TYW1B: variants seen among roughly 807,000 people sequenced by gnomAD.
TYW1B encodes the protein tRNA-yW synthesizing protein 1 homolog B.
In TYW1B, 73 loss-of-function variants were observed where a neutral mutation model predicts 86.9. That is an observed-to-expected ratio of 0.84 (90% CI 0.70 to 1.02). The LOEUF is 1.02. Ranked by LOEUF, TYW1B falls within the 50% of genes least tolerant of loss-of-function variation. The pLI, the probability that TYW1B is intolerant of heterozygous loss-of-function variation, is 0.00. For synonymous variants in TYW1B, 248 were observed against 292.8 expected (o/e 0.85, Z 1.56); for missense variants, 637 against 827.4 (o/e 0.77, Z 2.82).
intron 11 of TYW1B, among the ~76,000 whole-genome samples, chr7:72,671,407 T>C (rs1554446330): frequency 6.6e-6 from 1 of 152,204 alleles, no homozygotes; most frequent in Non-Finnish European, 1.5e-5. Flanking sequence ...GCTTCTAATC[T>C]TCTGCTATTA....
chr7:72,574,951 T>C lies in TYW1B; in HGVS notation c.*547A>G, dbSNP rs1353489459. On this transcript the variant is annotated 3_prime_UTR_variant, in exon 14 of 14. Transcript: ENST00000620995. The stretch of plus-strand genomic sequence containing the variant: ...TAGTAATAAACCAAAACTCAATCTA[T>C]GCAGTATTTAAAAAATAATTGAGAG... 7.1e-6 allele frequency: 7 copies of C among 988,116 alleles called. No homozygotes were observed. The East Asian group carries it at 5.6e-4, about 79-fold the overall frequency. 61.2% of individuals were successfully genotyped at this position (988,116 alleles called of 1,614,324 possible). A position where few individuals can be genotyped will look rare whatever the true frequency, so the allele number is the denominator to read the frequency against.
At chr7:72,756,677 A>G (rs1258047790) in intron 7 of TYW1B, among the ~76,000 whole-genome samples, 1 of 152,166 alleles carries the variant, frequency 6.6e-6, no homozygotes, top group African/African-American at 2.4e-5. Flanking sequence ...AGTTACTGGT[A>G]GCCTGCGGTC....
intron 11 of TYW1B, among the ~76,000 whole-genome samples, chr7:72,687,603 T>C (rs1439676989): frequency 6.6e-6 from 1 of 152,176 alleles, no homozygotes; most frequent in Non-Finnish European, 1.5e-5. Context: ...TATATTATAA[T>C]GTTGAGAAAT....
intron 11 of TYW1B, among the ~76,000 whole-genome samples, chr7:72,673,646 T>A (rs556597612): frequency 6.6e-6 from 1 of 152,114 alleles, no homozygotes; most frequent in South Asian, 2.1e-4. Flanking sequence ...GGTTAATGGG[T>A]ACAAAAAATA....
chr7:72,665,456 T>G (rs1554445101), intron 11 of TYW1B, among the ~76,000 whole-genome samples: 1 of 152,214 alleles, frequency 6.6e-6, no homozygotes, highest in African/African-American at 2.4e-5. Flanking sequence ...CTAATTTGAT[T>G]AACCCACCAT....
chr7:72,814,980 G>A (rs1463065209), intron 3 of TYW1B, among the ~76,000 whole-genome samples: 1 of 144,192 alleles, frequency 6.9e-6, no homozygotes, highest in Non-Finnish European at 1.5e-5. Context: ...TGAGGCAGGA[G>A]AATCACTTGA....
intron 11 of TYW1B, among the ~76,000 whole-genome samples, chr7:72,637,301 A>T (rs1812693553): frequency 6.6e-6 from 1 of 151,854 alleles, no homozygotes; most frequent in Admixed American, 6.6e-5. Flanking sequence ...TTTTAAATTT[A>T]AAAAAGCAAT....
At chr7:72,703,090 T>C (rs1814528504) in intron 10 of TYW1B, among the ~76,000 whole-genome samples, 2 of 147,726 alleles carry the variant, frequency 1.4e-5, no homozygotes, top group Non-Finnish European at 3.0e-5. Flanking sequence ...AGTGGCACTA[T>C]CTCGGCTCAC....
rs1810982049 is a variant in TYW1B at position 72,574,810 on chromosome 7, C to G, written c.*688G>C. ...ACTCCATGCCCTCACATGGCCACTC[C>G]TCTTACAGCAGACAGCTTCACTCCG... is the stretch of plus-strand genomic sequence containing the variant. On this transcript the variant is annotated 3_prime_UTR_variant, in exon 14 of 14. Transcript: ENST00000620995. The G allele has an allele frequency of 1.0e-6, 1 of 985,420 alleles. No individual in the cohort carries two copies. The highest frequency in any genetic ancestry group is 1.2e-6 in the Non-Finnish European group (1 of 829,978). 61.0% of individuals were successfully genotyped at this position (985,420 alleles called of 1,614,324 possible).
At chr7:72,660,953 A>G (rs1554444347) in intron 11 of TYW1B, among the ~76,000 whole-genome samples, 4 of 151,264 alleles carry the variant, frequency 2.6e-5, no homozygotes, top group South Asian at 2.1e-4. Flanking sequence ...CCTGGCCAAC[A>G]TGAAACCTCA....
intron 2 of TYW1B, among the ~76,000 whole-genome samples, chr7:72,818,883 G>A (rs1788776544): frequency 6.6e-6 from 1 of 152,142 alleles, no homozygotes; most frequent in Admixed American, 6.6e-5. Flanking sequence ...AACCACTCAT[G>A]CGAAATCTGC....
At chr7:72,583,981 G>C (rs1554430048) in intron 13 of TYW1B, among the ~76,000 whole-genome samples, 1 of 152,216 alleles carries the variant, frequency 6.6e-6, no homozygotes, top group Non-Finnish European at 1.5e-5. Flanking sequence ...TTTCAAACTG[G>C]AAAATGACAG....
At chr7:72,754,879 T>C (rs1453528982) in intron 7 of TYW1B, among the ~76,000 whole-genome samples, 3 of 152,236 alleles carry the variant, frequency 2.0e-5, no homozygotes, top group Admixed American at 6.5e-5. Flanking sequence ...CTTCCCTTTT[T>C]CTCTCATTAT....
At chr7:72,699,949 C>G (rs1814422260) in intron 10 of TYW1B, among the ~76,000 whole-genome samples, 1 of 151,970 alleles carries the variant, frequency 6.6e-6, no homozygotes. Context: ...TGTGCCTGGC[C>G]AAATTTTTCC....
intron 1 of TYW1B, among the ~76,000 whole-genome samples, chr7:72,827,618 A>AT (rs1259378291): frequency 1.3e-5 from 2 of 152,216 alleles, no homozygotes; most frequent in African/African-American, 4.8e-5. Flanking sequence ...TGCTTGCTCC[A>AT]TAAAAAAAGC....
At chr7:72,797,304 T>C (rs1788321370) in intron 6 of TYW1B, among the ~76,000 whole-genome samples, 1 of 152,162 alleles carries the variant, frequency 6.6e-6, no homozygotes, top group Non-Finnish European at 1.5e-5. Flanking sequence ...CCCAATGATT[T>C]AACCCAATAG....
intron 12 of TYW1B, among the ~76,000 whole-genome samples, chr7:72,625,333 G>C (rs1295589681): frequency 2.0e-5 from 3 of 152,030 alleles, no homozygotes; most frequent in African/African-American, 7.3e-5. Flanking sequence ...TAGCATCTTA[G>C]CTAGGCCAGG....
chr7:72,591,300 C>T (rs1454730526), intron 13 of TYW1B, among the ~76,000 whole-genome samples: 1 of 151,746 alleles, frequency 6.6e-6, no homozygotes, highest in Non-Finnish European at 1.5e-5. Flanking sequence ...CAAAATTTTC[C>T]CTAAATTTAA....
At position 72,802,313 on chromosome 7, in the gene TYW1B, G is replaced by A. The variant is rs192852025; in HGVS notation, c.846+87C>T. ...CTAGAGAAATGAAACTCCTCTGTGA[G>A]CTCAGATGGACTACACAGTAATAAA... On this transcript the variant is annotated intron_variant, in intron 6 of 13. Coordinates refer to ENST00000620995, the MANE Select transcript of TYW1B (RefSeq NM_001145440.3). 27 of 1,538,708 alleles carry A rather than the reference G, an allele frequency of 1.8e-5. No homozygotes were observed. In the Admixed American group the frequency reaches 2.5e-4, roughly 14 times the overall value.
Sources: gnomAD v4.1 joint callset for allele counts (sites outside exome capture counted in the v4.1 genomes callset) on GRCh38, gnomAD v4.1.1 for gene constraint, MANE v1.5 for transcripts, NCBI Gene and HGNC (gene_info 2026-07-23, HGNC 2026-07-21) for gene names.